The following COL28A1 variants were observed in gnomAD, a reference collection of about 807,000 sequenced individuals.
COL28A1 encodes collagen type XXVIII alpha 1 chain.
Under a neutral mutation model 150.2 loss-of-function variants are expected in COL28A1, and 161 were observed. The observed-to-expected ratio is 1.07, with a 90% confidence interval of 0.94 to 1.22. COL28A1 has a LOEUF of 1.22. Ranked by LOEUF, COL28A1 falls within the 50% of genes most tolerant of loss-of-function variation. COL28A1 has a pLI of 0.00. For synonymous variants in COL28A1, 552 were observed against 469.7 expected (o/e 1.18, Z -2.26); for missense variants, 1,617 against 1,388.3 (o/e 1.16, Z -2.62).
chr7:7,509,328 G>A (rs113925012), intron 9 of COL28A1, among the ~76,000 whole-genome samples: 12,188 of 151,894 alleles, frequency 0.08, 666 homozygotes, highest in Middle Eastern at 0.12. Context: ...TCACTATGTT[G>A]CCCAGGCTGG....
intron 3 of COL28A1, among the ~76,000 whole-genome samples, chr7:7,525,362 A>AC (rs1459174148): frequency 6.6e-6 from 1 of 152,180 alleles, no homozygotes; most frequent in Non-Finnish European, 1.5e-5. Flanking sequence ...AGGCCTCACT[A>AC]CCATACTTGA....
chr7:7,372,231 A>G (rs1405665429), intron 32 of COL28A1, among the ~76,000 whole-genome samples: 1 of 151,488 alleles, frequency 6.6e-6, no homozygotes, highest in Non-Finnish European at 1.5e-5. Context: ...AACCCTATCT[A>G]TACTAAAAAT....
In COL28A1 at chr7:7,366,216, C is replaced by A. The variant is rs7781861; in HGVS notation, c.3066+4509G>T. 2.0e-5 allele frequency among the ~76,000 whole-genome samples: 3 copies of A among 152,188 alleles called. No homozygotes were observed. In the East Asian group the frequency reaches 5.8e-4, roughly 29 times the overall value. ...AATAGGTGATTCCCCTAACATCAGG[C>A]AGCTATGAGATTTCATTTCTAAGAT... On this transcript the variant is annotated intron_variant, in intron 33 of 34. Transcript: ENST00000399429.
intron 13 of COL28A1, among the ~76,000 whole-genome samples, chr7:7,486,062 T>A (rs930468626): frequency 6.6e-6 from 1 of 152,212 alleles, no homozygotes; most frequent in Non-Finnish European, 1.5e-5. Context: ...TACATCTTTA[T>A]GTTGTTGAGT....
chr7:7,421,835 C>T (rs1784400804), intron 25 of COL28A1, among the ~76,000 whole-genome samples: 1 of 152,126 alleles, frequency 6.6e-6, no homozygotes, highest in Non-Finnish European at 1.5e-5. Flanking sequence ...TCCATCTGTT[C>T]CACTTAGTAC....
At chr7:7,406,142 C>T (rs1000584639) in intron 27 of COL28A1, among the ~76,000 whole-genome samples, 4 of 152,108 alleles carry the variant, frequency 2.6e-5, no homozygotes, top group African/African-American at 7.2e-5. Context: ...TGTATACCAA[C>T]CTGTGAGTGA....
At chr7:7,498,897 T>C (rs1272776777) in intron 11 of COL28A1, among the ~76,000 whole-genome samples, 1 of 151,890 alleles carries the variant, frequency 6.6e-6, no homozygotes, top group Non-Finnish European at 1.5e-5. Flanking sequence ...TACCTGACAA[T>C]CTACACACAC....
Position 7,507,124 on chromosome 7 carries a change from C to A in COL28A1, c.965G>T (p.Gly322Val), listed in dbSNP as rs754764177. 3.2e-5 allele frequency: 40 copies of A among 1,269,362 alleles called. No individual in the cohort carries two copies. The highest frequency in any genetic ancestry group is 4.3e-5 in the Non-Finnish European group (37 of 866,884). The allele number at this position is 1,269,362 out of a possible 1,614,324, so 78.6% of individuals were successfully genotyped here. ...TGGTTTTAACCCCCTTACCTGAATT[C>A]CTCTGGGTCCCTTTGGTCCATATGG... Reference protein sequence around the residue: ...PGPYGPKGPRGIQGITGPPGD... With the variant: ...PGPYGPKGPRVIQGITGPPGD... Residue 322 changes from glycine to valine, a missense_variant, in exon 10 of 35, where the codon GGA (glycine) becomes GTA (valine). Gly to Val is a moderately radical substitution (Grantham distance 109). Transcript: ENST00000399429.
chr7:7,402,780 C>T (rs574151380), intron 27 of COL28A1, among the ~76,000 whole-genome samples: 19 of 152,222 alleles, frequency 1.2e-4, no homozygotes, highest in East Asian at 3.9e-4. Flanking sequence ...AATCTCCATG[C>T]GTAGGGGCTT....
At position 7,380,902 on chromosome 7, in the gene COL28A1, A is replaced by G. The variant is rs1418490122; in HGVS notation, c.2206-40T>C. ...GTAAAATGATAGGTTCAGAATGTGAATCTAAAAGCCAGATAAGAAAAGCTC... is the reference window on the plus strand; with the variant it reads ...GTAAAATGATAGGTTCAGAATGTGAGTCTAAAAGCCAGATAAGAAAAGCTC... On this transcript the variant is annotated intron_variant, in intron 28 of 34. Coordinates refer to ENST00000399429, the MANE Select transcript of COL28A1 (RefSeq NM_001037763.3). The G allele has an allele frequency of 2.6e-6, 4 of 1,542,892 alleles. No individual in the cohort carries two copies. In the South Asian group the frequency reaches 3.4e-5, roughly 13 times the overall value.
At chr7:7,476,093 C>T (rs1378222771) in intron 14 of COL28A1, among the ~76,000 whole-genome samples, 1 of 152,066 alleles carries the variant, frequency 6.6e-6, no homozygotes, top group Non-Finnish European at 1.5e-5. Context: ...GAGCATGAGG[C>T]CATACTGAGA....
chr7:7,389,810 G>A (rs1293817519), intron 27 of COL28A1, among the ~76,000 whole-genome samples: 1 of 152,162 alleles, frequency 6.6e-6, no homozygotes, highest in Non-Finnish European at 1.5e-5. Context: ...TGTTATTGGT[G>A]TATAAGAATG....
chr7:7,527,117 G>C (rs1782067356), intron 3 of COL28A1, among the ~76,000 whole-genome samples: 1 of 152,108 alleles, frequency 6.6e-6, no homozygotes, highest in Admixed American at 6.5e-5. Flanking sequence ...ACTATTTTTG[G>C]AACTCATTTA....
intron 7 of COL28A1, among the ~76,000 whole-genome samples, chr7:7,516,054 C>T (rs1033813232): frequency 1.3e-5 from 2 of 152,224 alleles, no homozygotes; most frequent in African/African-American, 4.8e-5. Context: ...CCCTTTATCA[C>T]ATTTTATTCT....
At chr7:7,353,696 C>T (rs1274733480), downstream of COL28A1, among the ~76,000 whole-genome samples, 1 of 152,160 alleles carries the variant, frequency 6.6e-6, no homozygotes, top group Non-Finnish European at 1.5e-5. Context: ...GAGAAGGACA[C>T]TGCAGACAAA....
Position 7,456,937 on chromosome 7 carries a change from C to T in COL28A1, c.1303-825G>A, listed in dbSNP as rs114129627. On this transcript the variant is annotated intron_variant, in intron 15 of 34. Coordinates refer to ENST00000399429, the MANE Select transcript of COL28A1 (RefSeq NM_001037763.3). Reference sequence around the variant, plus strand: ...AGATGTCCAGAGATGAAGTCACTGACGAGAGGGAATGAGCCAGGTAGAAAC... The same window carrying T: ...AGATGTCCAGAGATGAAGTCACTGATGAGAGGGAATGAGCCAGGTAGAAAC... 6.1e-3 allele frequency among the ~76,000 whole-genome samples: 935 copies of T among 152,248 alleles called. 12 individuals carry two copies. Among genetic ancestry groups the T allele is most frequent in the African/African-American group, 0.022 (911 of 41,544 alleles).
At chr7:7,419,733 C>A (rs746368543) in intron 26 of COL28A1, 152 bp downstream of exon 26, 3 of 437,978 alleles carry the variant, frequency 6.8e-6, no homozygotes, top group Non-Finnish European at 1.2e-5. Context: ...TTTTACTGAA[C>A]GTTCACCTGA....
intron 9 of COL28A1, among the ~76,000 whole-genome samples, chr7:7,509,646 TTG>T (rs1781014284): frequency 1.6e-5 from 2 of 127,268 alleles, no homozygotes; most frequent in South Asian, 5.4e-4. Flanking sequence ...GTTTTTTTTG[TTG>T]TTGTTATTCC....
At chr7:7,442,391 G>A (rs928773793) in intron 20 of COL28A1, among the ~76,000 whole-genome samples, 4 of 151,960 alleles carry the variant, frequency 2.6e-5, no homozygotes, top group Non-Finnish European at 5.9e-5. Context: ...AACTCCAAGC[G>A]CCTATTTTCC....
Sources: gnomAD v4.1 joint callset for allele counts (sites outside exome capture counted in the v4.1 genomes callset) on GRCh38, gnomAD v4.1.1 for gene constraint, MANE v1.5 for transcripts, NCBI Gene and HGNC (gene_info 2026-07-23, HGNC 2026-07-21) for gene names.